NOP9: variants seen among roughly 807,000 people sequenced by gnomAD.
The protein encoded by NOP9 is nucleolar protein 9.
In NOP9, 50 loss-of-function variants were observed where a neutral mutation model predicts 63.0. That is an observed-to-expected ratio of 0.79 (90% CI 0.63 to 1.00). NOP9 has a LOEUF of 1.00. Among genes scored for constraint, NOP9 ranks in the 50% least tolerant of loss-of-function variants. NOP9 has a pLI of 0.00. For synonymous variants in NOP9, 343 were observed against 332.8 expected, an observed-to-expected ratio of 1.03 and a Z score of -0.33; for missense variants, 758 against 803.0, an observed-to-expected ratio of 0.94 and a Z score of 0.68.
Position 24,307,181 on chromosome 14 carries a change from T to C in NOP9, c.*2086T>C, listed in dbSNP as rs1347278459. The C allele has an allele frequency of 3.6e-6, 2 of 562,926 alleles. No individual in the cohort carries two copies. Among genetic ancestry groups the C allele is most frequent in the Admixed American group, 3.4e-5 (1 of 29,126 alleles). The allele number at this position is 562,926 out of a possible 1,614,324, so 34.9% of individuals were successfully genotyped here. On this transcript the variant is annotated 3_prime_UTR_variant, in exon 10 of 10. Coordinates refer to ENST00000267425, the MANE Select transcript of NOP9 (RefSeq NM_174913.3). ...TATCTCCTGCTAACCCCTGCTCCCA[T>C]AGAAAAGCTCACTCGGTGGAAAATG...
the NOP9 span, among the ~76,000 whole-genome samples, chr14:24,281,203 G>A: frequency 9.2e-5 from 14 of 152,312 alleles, no homozygotes; most frequent in East Asian, 2.5e-3. Flanking sequence ...GCCCCTGAGC[G>A]GGGGTTTTGA....
At chr14:24,300,264 C>A in intron 1 of NOP9, 63 bp downstream of exon 1, 1 of 1,593,232 alleles carries the variant, frequency 6.3e-7, no homozygotes, top group Non-Finnish European at 8.6e-7. Flanking sequence ...AGGAAACTTT[C>A]TAGGGTCGGC....
At chr14:24,303,645 T>C in intron 6 of NOP9, 87 bp from the exon 7 acceptor site, 1 of 1,440,078 alleles carries the variant, frequency 6.9e-7, no homozygotes, top group Non-Finnish European at 9.7e-7. Flanking sequence ...AGTTGGGCCT[T>C]CTTTCCTTTC....
chr14:24,289,863 C>T, the NOP9 span, among the ~76,000 whole-genome samples: 1 of 152,244 alleles, frequency 6.6e-6, no homozygotes, highest in Non-Finnish European at 1.5e-5. Flanking sequence ...TAACTGGGGA[C>T]GGTCCCCAGA....
At chr14:24,271,223 G>C in the NOP9 span, 2 of 1,368,518 alleles carry the variant, frequency 1.5e-6, no homozygotes, top group Admixed American at 5.7e-5. Context: ...TCCGCCCACA[G>C]CTGTGTCCGG....
Position 24,299,964 on chromosome 14 carries a change from G to T in NOP9, c.10G>T (p.Gly4Cys). Residue 4 changes from glycine to cysteine, a missense_variant, in exon 1 of 10, where the codon GGT becomes TGT. Transcript: ENST00000267425. The part of the protein sequence containing the change: MGQ[G>C]PRSPHKVGRR... ...AGGTCGCGAAGCACACATGGGGCAG[G>T]GTCCGCGCTCTCCACACAAGGTGGG... is the stretch of plus-strand genomic sequence containing the variant. 6.4e-7 allele frequency: 1 copy of T among 1,568,326 alleles called. No homozygotes were observed. Among genetic ancestry groups the T allele is most frequent in the Non-Finnish European group, 8.6e-7 (1 of 1,157,330 alleles).
At chr14:24,282,042 A>C in the NOP9 span, among the ~76,000 whole-genome samples, 1 of 152,228 alleles carries the variant, frequency 6.6e-6, no homozygotes, top group African/African-American at 2.4e-5. Context: ...TACTAAAAAT[A>C]CAAAAATTAG....
chr14:24,303,915 T>G, intron 7 of NOP9, 58 bp downstream of exon 7: 8 of 1,604,078 alleles, frequency 5.0e-6, no homozygotes, highest in Non-Finnish European at 6.8e-6. Flanking sequence ...TCCCAGGGTT[T>G]AGCAAGCGTC....
chr14:24,303,772 G>T lies in NOP9; in HGVS notation c.1325G>T (p.Cys442Phe). The change falls in exon 7 of 10, where the codon TGT becomes TTT. Residue 442 changes from cysteine to phenylalanine, a missense_variant. Physicochemically the swap from Cys to Phe is radical, Grantham distance 205. Coordinates refer to ENST00000267425, the MANE Select transcript of NOP9 (RefSeq NM_174913.3). ...CAEPSSRQVACVPLFATLMAY... is the reference protein window; with the variant it reads ...CAEPSSRQVAFVPLFATLMAY... ...GAGCCCTCATCCCGGCAAGTGGCCT[G>T]TGTGCCTCTCTTTGCCACTTTGATG... 1 of 1,614,146 alleles carries T rather than the reference G, an allele frequency of 6.2e-7. No homozygotes were observed. Among genetic ancestry groups the T allele is most frequent in the Admixed American group, 1.7e-5 (1 of 60,032 alleles).
At position 24,300,084 on chromosome 14, in the gene NOP9, G is replaced by T. The variant is rs1287785085; in HGVS notation, c.130G>T (p.Asp44Tyr). Residue 44 changes from aspartate (D) to tyrosine (Y), a missense_variant, in exon 1 of 10, where the codon GAT (aspartate) becomes TAT (tyrosine). By Grantham distance (160) the Asp-to-Tyr change is radical (BLOSUM62 -3). Coordinates refer to ENST00000267425, the MANE Select transcript of NOP9 (RefSeq NM_174913.3). ...GRKRQPWPPP[D>Y]GRSEPAPDSH... ...TAAGCGGCAACCCTGGCCGCCTCCG[G>T]ATGGGCGCTCGGAGCCGGCTCCAGA... 2 of 1,613,038 alleles carry T rather than the reference G, an allele frequency of 1.2e-6. No individual in the cohort carries two copies. The highest frequency in any genetic ancestry group is 1.7e-6 in the Non-Finnish European group (2 of 1,179,840).
upstream of NOP9, chr14:24,299,683 A>T (rs545956240): frequency 7.2e-5 from 30 of 417,996 alleles, no homozygotes; most frequent in African/African-American, 5.5e-4. Flanking sequence ...GTGTTCAAGG[A>T]TTGATTCTGT....
chr14:24,292,723 T>C, the NOP9 span: 1 of 1,614,184 alleles, frequency 6.2e-7, no homozygotes, highest in Non-Finnish European at 8.5e-7. Flanking sequence ...ATGACCACGA[T>C]GAGCCCCTGG....
the NOP9 span, among the ~76,000 whole-genome samples, chr14:24,279,441 C>T: frequency 3.3e-5 from 5 of 152,150 alleles, no homozygotes; most frequent in East Asian, 1.9e-4. Context: ...GGGAAGAAGA[C>T]GAAACAGGTT....
rs768384855 is a variant in NOP9 at position 24,303,086 on chromosome 14, T to C, written c.1156T>C (p.Phe386Leu). The C allele has an allele frequency of 6.5e-7, 1 of 1,546,186 alleles. No individual in the cohort carries two copies. Among genetic ancestry groups the C allele is most frequent in the South Asian group, 1.2e-5 (1 of 81,756 alleles). Residue 386 changes from phenylalanine to leucine, a missense_variant, in exon 6 of 10, where the codon TTT (phenylalanine) becomes CTT (leucine). Coordinates refer to ENST00000267425, the MANE Select transcript of NOP9 (RefSeq NM_174913.3). ...TGTTTCCCATCAGCTGTCCCCTGTG[T>C]TTGAGGAGCTGAGCCCTGTCTTGGA... Reference protein sequence around the residue: ...VTTPELLSPVFEELSPVLEAV... With the variant: ...VTTPELLSPVLEELSPVLEAV...
At chr14:24,292,665 A>C in the NOP9 span, 4 of 1,614,192 alleles carry the variant, frequency 2.5e-6, no homozygotes, top group Non-Finnish European at 3.4e-6. Flanking sequence ...AGCTTTGCCC[A>C]CACCATAGGG....
chr14:24,294,589 AAACAACAAC>A, the NOP9 span: 56,763 of 150,328 alleles, frequency 0.38, 11,741 homozygotes, highest in Middle Eastern at 0.56. Context: ...TTCCACCTCA[AAACAACAAC>A]AACAACAACA....
chr14:24,303,823 CGGA>C lies in NOP9; in HGVS notation c.1385_1387del (p.Glu462del), dbSNP rs774471508. ...GCTTATGAGGTGTACTATGGACTGA[CGGA>C]GGAGGAGGGGGCAGTGCCTGCAGAG... On this transcript the variant is annotated inframe_deletion, in exon 7 of 10. Coordinates refer to ENST00000267425, the MANE Select transcript of NOP9 (RefSeq NM_174913.3). 8 of 1,614,060 alleles carry C rather than the reference CGGA, an allele frequency of 5.0e-6. No individual in the cohort carries two copies. The highest frequency in any genetic ancestry group is 6.8e-6 in the Non-Finnish European group (8 of 1,180,002).
chr14:24,273,131 G>C, the NOP9 span, among the ~76,000 whole-genome samples: 1 of 151,768 alleles, frequency 6.6e-6, no homozygotes, highest in South Asian at 2.1e-4. Flanking sequence ...CATGTGGCAT[G>C]TGTGTGTTTA....
At chr14:24,278,719 A>G in the NOP9 span, among the ~76,000 whole-genome samples, 6 of 152,232 alleles carry the variant, frequency 3.9e-5, no homozygotes, top group Non-Finnish European at 7.3e-5. Context: ...TGCCAAAAGC[A>G]CTAACATGAC....
Sources: gnomAD v4.1 joint callset for allele counts (sites outside exome capture counted in the v4.1 genomes callset) on GRCh38, gnomAD v4.1.1 for gene constraint, MANE v1.5 for transcripts, NCBI Gene and HGNC (gene_info 2026-07-23, HGNC 2026-07-21) for gene names.